LPA: variants seen among roughly 807,000 people sequenced by gnomAD.
LPA encodes lipoprotein(a), also known as apolipoprotein(a).
Under a neutral mutation model 197.9 loss-of-function variants are expected in LPA, and 199 were observed. The ratio of observed to expected loss-of-function variants is 1.01; its 90% CI spans 0.90 to 1.13. The LOEUF (loss-of-function observed/expected upper bound fraction) is 1.13, where lower values mean the gene tolerates loss of function less well. Among genes scored for constraint, LPA ranks in the 50% most tolerant of loss-of-function variants. The pLI is 0.00. For synonymous variants in LPA, 715 were observed against 639.5 expected, an observed-to-expected ratio of 1.12 and a Z score of -1.78; for missense variants, 1,853 against 1,785.8, an observed-to-expected ratio of 1.04 and a Z score of -0.68.
chr6:160,593,526 T>C (rs548318598), intron 22 of LPA, among the ~76,000 whole-genome samples: 1 of 152,328 alleles, frequency 6.6e-6, no homozygotes, highest in South Asian at 2.1e-4. Flanking sequence ...GAGAAAGTGA[T>C]TGGAAGATCT....
intron 28 of LPA, among the ~76,000 whole-genome samples, chr6:160,565,083 T>C (rs1292120274): frequency 6.6e-6 from 1 of 151,606 alleles, no homozygotes; most frequent in Admixed American, 6.6e-5. Context: ...CTCTGTAGAC[T>C]CCACCTCTGG....
chr6:160,577,817 T>G (rs943427195), intron 27 of LPA, among the ~76,000 whole-genome samples: 2 of 152,228 alleles, frequency 1.3e-5, no homozygotes, highest in Non-Finnish European at 2.9e-5. Flanking sequence ...GACAAACAAC[T>G]TATTCCCTTG....
chr6:160,650,896 C>A (rs1378068610), intron 1 of LPA, among the ~76,000 whole-genome samples: 1 of 152,148 alleles, frequency 6.6e-6, no homozygotes, highest in Non-Finnish European at 1.5e-5. Context: ...AAACCTTGCA[C>A]AATTCCCTAG....
intron 21 of LPA, among the ~76,000 whole-genome samples, chr6:160,594,835 C>T (rs1295063067): frequency 6.6e-6 from 1 of 152,098 alleles, no homozygotes; most frequent in Non-Finnish European, 1.5e-5. Flanking sequence ...TGGAGATAGG[C>T]CAGAACGATG....
chr6:160,604,456 T>A (rs1779305285), intron 18 of LPA, among the ~76,000 whole-genome samples: 1 of 152,166 alleles, frequency 6.6e-6, no homozygotes, highest in South Asian at 2.1e-4. Context: ...TGTCCATCTA[T>A]CCACCCTTTT....
At chr6:160,606,867 A>C (rs561604013) in intron 16 of LPA, among the ~76,000 whole-genome samples, 1 of 152,200 alleles carries the variant, frequency 6.6e-6, no homozygotes, top group Admixed American at 6.5e-5. Flanking sequence ...TTATTATAAA[A>C]AAAAATCTAA....
chr6:160,654,035 T>A (rs7739439), intron 1 of LPA, among the ~76,000 whole-genome samples: 35 of 10,346 alleles, frequency 3.4e-3, no homozygotes, highest in Middle Eastern at 0.056. Flanking sequence ...ATAATATATA[T>A]TATATATAAT....
chr6:160,542,258 A>C (rs1432502831), intron 34 of LPA, among the ~76,000 whole-genome samples: 2 of 152,350 alleles, frequency 1.3e-5, no homozygotes, highest in South Asian at 4.1e-4. Flanking sequence ...GATTCACAAA[A>C]GTGTAAAAAA....
At chr6:160,545,585 G>A (rs762988429) in intron 32 of LPA, 52 bp from the exon 33 acceptor site, 1 of 1,056,920 alleles carries the variant, frequency 9.5e-7, no homozygotes, top group Non-Finnish European at 1.5e-6. Flanking sequence ...AGGAGAGGGA[G>A]AAGATATTCT....
At chr6:160,660,987 A>C (rs1005809975) in intron 1 of LPA, among the ~76,000 whole-genome samples, 1 of 152,146 alleles carries the variant, frequency 6.6e-6, no homozygotes, top group African/African-American at 2.4e-5. Flanking sequence ...AAATCTGTTC[A>C]AAAGCTGCTT....
At chr6:160,576,684 G>GTATATATA (rs1277269915) in intron 28 of LPA, among the ~76,000 whole-genome samples, 1 of 92,642 alleles carries the variant, frequency 1.1e-5, no homozygotes, top group African/African-American at 4.6e-5. Context: ...GTGTGTGTGT[G>GTATATATA]TGTGTGTATA....
intron 24 of LPA, among the ~76,000 whole-genome samples, chr6:160,588,606 C>A (rs1340115353): frequency 6.6e-6 from 1 of 152,162 alleles, no homozygotes; most frequent in Non-Finnish European, 1.5e-5. Flanking sequence ...TTGTATTTAG[C>A]CAAAGCCTTG....
At chr6:160,598,625 C>T (rs1315911679) in intron 20 of LPA, among the ~76,000 whole-genome samples, 2 of 152,212 alleles carry the variant, frequency 1.3e-5, no homozygotes, top group Non-Finnish European at 2.9e-5. Flanking sequence ...GGCTTCTGTC[C>T]ATCTACCCGC....
Position 160,589,523 on chromosome 6 carries a change from T to A in LPA, c.3947+30A>T, listed in dbSNP as rs780243231. The A allele has an allele frequency of 1.9e-6, 3 of 1,611,772 alleles. No homozygotes were observed. The South Asian group carries it at 3.3e-5, about 18-fold the overall frequency. Reference sequence around the variant, plus strand: ...CAGGAGAAATTTAAGTGGGTGGCTGTTTCTCTTGGGAGAAAACTCAAAGAC... The same window carrying A: ...CAGGAGAAATTTAAGTGGGTGGCTGATTCTCTTGGGAGAAAACTCAAAGAC... On this transcript the variant is annotated intron_variant, in intron 24 of 38. Coordinates refer to ENST00000316300, the MANE Select transcript of LPA (RefSeq NM_005577.4).
Position 160,605,189 on chromosome 6 carries a change from C to T in LPA, c.2802G>A (p.Arg934=). 3 of 1,613,866 alleles carry T rather than the reference C, an allele frequency of 1.9e-6. No homozygotes were observed. Among genetic ancestry groups the T allele is most frequent in the Non-Finnish European group, 2.5e-6 (3 of 1,179,878 alleles). Residue 934 remains arginine (R), a synonymous_variant, in exon 18 of 39, where the codon AGG becomes AGA. Coordinates refer to ENST00000316300, the MANE Select transcript of LPA (RefSeq NM_005577.4). The stretch of plus-strand genomic sequence containing the variant: ...CGTGGTAGCACTCCTGCACCCCAGG[C>T]CTTTGCTCAGTTGGTGCTGAAATGA... ...APSEQAPTEQ[R]PGVQECYHGN... is the part of the protein sequence containing the mutation.
At position 160,547,927 on chromosome 6, in the gene LPA, A is replaced by G. The variant is rs778352013; in HGVS notation, c.5166T>C (p.Phe1722=). The G allele has an allele frequency of 6.2e-7, 1 of 1,613,912 alleles. No individual in the cohort carries two copies. Among genetic ancestry groups the G allele is most frequent in the African/African-American group, 1.3e-5 (1 of 74,868 alleles). ...LGPPSEQDCM[F]GNGKGYRGKK... is the part of the protein sequence containing the mutation. ...TGCCCCGGTATCCTTTCCCATTCCC[A>G]AACATACAGTCTGTAGAAAAAAATA... The change falls in exon 32 of 39, where the codon TTT becomes TTC. Residue 1722 remains phenylalanine (F), a synonymous_variant. Transcript: ENST00000316300.
intron 16 of LPA, among the ~76,000 whole-genome samples, chr6:160,610,833 G>A (rs1290514364): frequency 6.6e-5 from 10 of 152,176 alleles, no homozygotes; most frequent in African/African-American, 2.4e-4. Flanking sequence ...CTCATCATTG[G>A]CCCTCTCTCA....
intron 17 of LPA, among the ~76,000 whole-genome samples, chr6:160,606,059 G>A (rs987423639): frequency 1.1e-4 from 17 of 152,316 alleles, no homozygotes; most frequent in Non-Finnish European, 2.1e-4. Context: ...AAGGGTGACA[G>A]GCTCCAGAGC....
At chr6:160,586,334 A>C (rs990614246) in intron 25 of LPA, 115 bp downstream of exon 25, 1 of 1,273,044 alleles carries the variant, frequency 7.9e-7, no homozygotes, top group Non-Finnish European at 1.1e-6. Flanking sequence ...TTGGCTGTCC[A>C]TGACTTCACC....
Sources: gnomAD v4.1 joint callset for allele counts (sites outside exome capture counted in the v4.1 genomes callset) on GRCh38, gnomAD v4.1.1 for gene constraint, MANE v1.5 for transcripts, NCBI Gene and HGNC (gene_info 2026-07-23, HGNC 2026-07-21) for gene names.